ZNF652: variants seen among roughly 807,000 people sequenced by gnomAD.
ZNF652 encodes zinc finger protein 652.
Under a neutral mutation model 45.2 loss-of-function variants are expected in ZNF652, and 16 were observed. That is an observed-to-expected ratio of 0.35 (90% CI 0.24 to 0.54). ZNF652 has a LOEUF of 0.54. ZNF652 is among the 20% of genes least tolerant of loss of function. ZNF652 has a pLI of 0.91. For synonymous variants in ZNF652, 250 were observed against 260.6 expected, an observed-to-expected ratio of 0.96 and a Z score of 0.39; for missense variants, 614 against 765.6, an observed-to-expected ratio of 0.80 and a Z score of 2.34.
chr17:49,337,535 T>C (rs1347051093), intron 1 of ZNF652, among the ~76,000 whole-genome samples: 1 of 152,112 alleles, frequency 6.6e-6, no homozygotes, highest in Non-Finnish European at 1.5e-5. Flanking sequence ...AGGGTTTGAG[T>C]TGTTACCCTA....
intron 1 of ZNF652, among the ~76,000 whole-genome samples, chr17:49,353,977 G>T (rs958287591): frequency 6.6e-6 from 1 of 152,126 alleles, no homozygotes; most frequent in Non-Finnish European, 1.5e-5. Context: ...TCCATAAGAG[G>T]TGATGAAAGG....
rs1242258355 is a variant in ZNF652, at chr17:49,291,668, G to A, written c.*6745C>T. On this transcript the variant is annotated 3_prime_UTR_variant, in exon 6 of 6. Coordinates refer to ENST00000430262, the MANE Select transcript of ZNF652 (RefSeq NM_001145365.3). ...TTCCTCCAAGTGACAAGCAAGTACA[G>A]CTCTCCGTTGTTTTATGGCCTGGGA... The A allele has an allele frequency of 1.3e-5, 2 of 152,164 alleles. No homozygotes were observed. Among genetic ancestry groups the A allele is most frequent in the African/African-American group, 2.4e-5 (1 of 41,436 alleles). The allele number at this position is 152,164 out of a possible 1,614,324, so 9.4% of individuals were successfully genotyped here.
At chr17:49,342,554 AGGGGGGGG>A (rs57671663) in intron 1 of ZNF652, among the ~76,000 whole-genome samples, 1 of 102,700 alleles carries the variant, frequency 9.7e-6, no homozygotes, top group Non-Finnish European at 2.0e-5. Flanking sequence ...TAACAGATAA[AGGGGGGGG>A]GGGGGGGGGA....
At position 49,295,546 on chromosome 17, in the gene ZNF652, T is replaced by C. The variant is rs1458590362; in HGVS notation, c.*2867A>G. ...AAAATCAAAGATGACTACCTGAATA[T>C]TCCAGTGTATAATTACAGTACAACC... On this transcript the variant is annotated 3_prime_UTR_variant, in exon 6 of 6. Coordinates refer to ENST00000430262, the MANE Select transcript of ZNF652 (RefSeq NM_001145365.3). 2 of 152,540 alleles carry C rather than the reference T, an allele frequency of 1.3e-5. No homozygotes were observed. The allele number at this position is 152,540 out of a possible 1,614,324, so 9.4% of individuals were successfully genotyped here.
intron 1 of ZNF652, among the ~76,000 whole-genome samples, chr17:49,359,094 T>TA (rs2070367034): frequency 2.0e-5 from 3 of 152,188 alleles, no homozygotes; most frequent in Non-Finnish European, 4.4e-5. Flanking sequence ...TCTGCAATAC[T>TA]AAATCAAGGA....
chr17:49,346,946 G>A (rs1197975971), intron 1 of ZNF652, among the ~76,000 whole-genome samples: 1 of 152,158 alleles, frequency 6.6e-6, no homozygotes, highest in African/African-American at 2.4e-5. Context: ...CTTGTCCTAA[G>A]GGAAAGAAAG....
chr17:49,334,975 G>C lies in ZNF652; in HGVS notation c.-258-16992C>G, dbSNP rs180981355. On this transcript the variant is annotated intron_variant, in intron 1 of 5. Coordinates refer to ENST00000430262, the MANE Select transcript of ZNF652 (RefSeq NM_001145365.3). ...AACAGGAGCTGGGAGTAGGGAGGAG[G>C]GGGGAGTGACTGCTGATGGGCTCCA... 5.3e-5 allele frequency among the ~76,000 whole-genome samples: 8 copies of C among 152,160 alleles called. No homozygotes were observed. The South Asian group carries it at 8.3e-4, about 16-fold the overall frequency.
At chr17:49,349,548 G>C (rs2070248246) in intron 1 of ZNF652, among the ~76,000 whole-genome samples, 1 of 152,196 alleles carries the variant, frequency 6.6e-6, no homozygotes, top group East Asian at 1.9e-4. Flanking sequence ...CTCAAGATCA[G>C]TAGCTTTTTC....
rs2069815851 is a variant in ZNF652, at chr17:49,317,049, G to A, written c.677C>T (p.Ala226Val). Residue 226 changes from alanine to valine, a missense_variant, in exon 2 of 6, where the codon GCC becomes GTC. Physicochemically the swap from Ala to Val is moderately conservative, Grantham distance 64. Coordinates refer to ENST00000430262, the MANE Select transcript of ZNF652 (RefSeq NM_001145365.3). ...SVEPPKRKKR[A>V]TKEPKAPVQK... ...GACTGGTGCTTTGGGCTCCTTTGTG[G>A]CCCGCTTCTTACGCTTAGGTGGCTC... is the stretch of plus-strand genomic sequence containing the variant. 1 of 1,613,890 alleles carries A rather than the reference G, an allele frequency of 6.2e-7. No homozygotes were observed. The highest frequency in any genetic ancestry group is 1.7e-5 in the Admixed American group (1 of 59,984).
chr17:49,347,740 GTT>G (rs1181401090), intron 1 of ZNF652, among the ~76,000 whole-genome samples: 5,863 of 81,038 alleles, frequency 0.072, 256 homozygotes, highest in Non-Finnish European at 0.11. Context: ...CCTTGGTTTT[GTT>G]TTTTTTTTTT....
In ZNF652 at chr17:49,298,102, A is replaced by G. The variant is rs1377554992; in HGVS notation, c.*311T>C. 2.9e-6 allele frequency: 1 copy of G among 350,090 alleles called. No individual in the cohort carries two copies. Among genetic ancestry groups the G allele is most frequent in the Non-Finnish European group, 5.3e-6 (1 of 190,064 alleles). The allele number at this position is 350,090 out of a possible 1,614,324, so 21.7% of individuals were successfully genotyped here. A position where few individuals can be genotyped will look rare whatever the true frequency, so the allele number is the denominator to read the frequency against. On this transcript the variant is annotated 3_prime_UTR_variant, in exon 6 of 6. Transcript: ENST00000430262. ...AGAAGTCTGGGATATAAAAGCAAGC[A>G]TACCTCATCAGCTGATATGAAATTA...
intron 2 of ZNF652, among the ~76,000 whole-genome samples, chr17:49,313,831 G>C (rs910269959): frequency 4.9e-4 from 74 of 150,984 alleles, no homozygotes; most frequent in African/African-American, 1.8e-3. Flanking sequence ...AAATTAGCCG[G>C]GCGTGGTGGC....
intron 1 of ZNF652, among the ~76,000 whole-genome samples, chr17:49,341,115 G>A (rs2070140543): frequency 6.6e-6 from 1 of 152,024 alleles, no homozygotes; most frequent in African/African-American, 2.4e-5. Context: ...GGAAGCTGAA[G>A]CAGGAGAATC....
intron 1 of ZNF652, among the ~76,000 whole-genome samples, chr17:49,326,384 G>A (rs912363417): frequency 6.6e-6 from 1 of 152,144 alleles, no homozygotes; most frequent in Non-Finnish European, 1.5e-5. Flanking sequence ...CTTGGGCTAA[G>A]AGAGACTGTC....
At chr17:49,336,518 A>G (rs2165708) in intron 1 of ZNF652, among the ~76,000 whole-genome samples, 118,214 of 151,080 alleles carry the variant, frequency 0.78, 46,378 homozygotes, top group African/African-American at 0.85. Context: ...TATTAGAGAC[A>G]GGGTTTCACC....
chr17:49,336,172 G>A (rs1180432265), intron 1 of ZNF652, among the ~76,000 whole-genome samples: 6 of 151,784 alleles, frequency 4.0e-5, no homozygotes, highest in East Asian at 1.9e-4. Flanking sequence ...TTACAGGCAC[G>A]CGCCACCATG....
intron 1 of ZNF652, among the ~76,000 whole-genome samples, chr17:49,330,807 T>G (rs1406720724): frequency 2.6e-5 from 4 of 151,554 alleles, no homozygotes; most frequent in African/African-American, 9.7e-5. Flanking sequence ...TCCCAGCACT[T>G]TGGGAGGCTG....
At chr17:49,357,109 C>T (rs968586561) in intron 1 of ZNF652, among the ~76,000 whole-genome samples, 2 of 151,718 alleles carry the variant, frequency 1.3e-5, no homozygotes, top group African/African-American at 4.8e-5. Flanking sequence ...CCAGCCTGAC[C>T]AATATGGTGA....
chr17:49,312,920 G>T, intron 2 of ZNF652, 75 bp from the exon 3 acceptor site: 2 of 1,489,250 alleles, frequency 1.3e-6, no homozygotes, highest in Non-Finnish European at 1.8e-6. Flanking sequence ...AGACCAAACG[G>T]ATGTGCTTTA....
Sources: gnomAD v4.1 joint callset for allele counts (sites outside exome capture counted in the v4.1 genomes callset) on GRCh38, gnomAD v4.1.1 for gene constraint, MANE v1.5 for transcripts, NCBI Gene and HGNC (gene_info 2026-07-23, HGNC 2026-07-21) for gene names.